The following HNF1A variants were observed in gnomAD, a reference collection of about 807,000 sequenced individuals.
HNF1A encodes hepatocyte nuclear factor 1-alpha.
A neutral mutation model predicts 62.2 loss-of-function variants in HNF1A; 21 were observed. That is an observed-to-expected ratio of 0.34 (90% confidence interval 0.24 to 0.49). The LOEUF is 0.49. Among genes scored for constraint, HNF1A ranks in the 20% least tolerant of loss-of-function variants. The pLI, the probability that HNF1A is intolerant of heterozygous loss-of-function variation, is 0.99. For synonymous variants in HNF1A, 374 were observed against 366.8 expected, an observed-to-expected ratio of 1.02 and a Z score of -0.22; for missense variants, 687 against 832.3, an observed-to-expected ratio of 0.83 and a Z score of 2.15.
At chr12:120,984,858 A>G (rs1211551419) in intron 1 of HNF1A, among the ~76,000 whole-genome samples, 1 of 151,604 alleles carries the variant, frequency 6.6e-6, no homozygotes, top group Admixed American at 6.6e-5. Flanking sequence ...CACACCGTCT[A>G]CTTCCTAGGG....
Position 120,996,266 on chromosome 12 carries a change from G to C in HNF1A, c.960G>C (p.Val320=), listed in dbSNP as rs758818657. 1.9e-6 allele frequency: 3 copies of C among 1,614,034 alleles called. No individual in the cohort carries two copies. The highest frequency in any genetic ancestry group is 2.5e-6 in the Non-Finnish European group (3 of 1,180,016). The change falls in exon 5 of 10, where the codon GTG becomes GTC. Residue 320 remains valine, a synonymous_variant. Coordinates refer to ENST00000257555, the MANE Select transcript of HNF1A (RefSeq NM_000545.8). The surrounding 1 kb of genome is among the most constrained non-coding windows in gnomAD (Gnocchi z 4.5). ...GGACACTGCTTCCCTCTCCAGGTGT[G>C]CGCTATGGACAGCCTGCGACCAGTG... The part of the protein sequence containing the change: ...PALSPSKVHG[V]RYGQPATSET...
At chr12:120,985,302 GA>G (rs1249825513) in intron 1 of HNF1A, among the ~76,000 whole-genome samples, 1 of 150,204 alleles carries the variant, frequency 6.7e-6, no homozygotes, top group East Asian at 2.0e-4. Flanking sequence ...GGCTGGTCTT[GA>G]ACTGCAGGGC....
At chr12:120,981,593 C>A (rs1197492625) in intron 1 of HNF1A, among the ~76,000 whole-genome samples, 1 of 152,206 alleles carries the variant, frequency 6.6e-6, no homozygotes, top group Non-Finnish European at 1.5e-5. Context: ...CCAATTCCCA[C>A]CCCAGGGCCT....
chr12:120,994,030 C>T, intron 3 of HNF1A, 134 bp from the exon 4 acceptor site: 1 of 1,193,288 alleles, frequency 8.4e-7, no homozygotes, highest in Non-Finnish European at 1.2e-6. Flanking sequence ...ACACAGCAGA[C>T]CTGGCATTGG....
intron 1 of HNF1A, 146 bp downstream of exon 1, chr12:120,979,240 C>G (rs979263242): frequency 2.6e-6 from 2 of 763,396 alleles, no homozygotes; most frequent in Non-Finnish European, 4.4e-6. Context: ...CCATGAGAGC[C>G]CAGGGGTCCT....
chr12:120,986,087 C>T (rs1453545005), intron 1 of HNF1A, among the ~76,000 whole-genome samples: 2 of 152,170 alleles, frequency 1.3e-5, no homozygotes, highest in African/African-American at 4.8e-5. Context: ...GTCCTTCTCA[C>T]TCCCATCCCC....
At position 120,997,588 on chromosome 12, in the gene HNF1A, C is replaced by T. The variant is rs193922580; in HGVS notation, c.1424C>T (p.Pro475Leu). The change falls in exon 7 of 10, where the codon CCG (proline) becomes CTG (leucine). Residue 475 changes from proline (P) to leucine (L), a missense_variant. By Grantham distance (98) the Pro-to-Leu change is moderately conservative. Coordinates refer to ENST00000257555, the MANE Select transcript of HNF1A (RefSeq NM_000545.8). ...SQPLHPSYQQ[P>L]LMPPVQSHVT... Reference sequence around the variant, plus strand: ...CCGCTGCACCCCTCCTACCAGCAGCCGCTCATGCCACCTGTGCAGAGCCAT... The same window carrying T: ...CCGCTGCACCCCTCCTACCAGCAGCTGCTCATGCCACCTGTGCAGAGCCAT... The T allele has an allele frequency of 4.8e-5, 77 of 1,613,720 alleles. No individual in the cohort carries two copies. Among genetic ancestry groups the T allele is most frequent in the Non-Finnish European group, 1.6e-5 (19 of 1,180,002 alleles).
At position 120,996,946 on chromosome 12, in the gene HNF1A, G is replaced by C. The variant is rs1305280857; in HGVS notation, c.1309+204G>C. 4 of 1,495,434 alleles carry C rather than the reference G, an allele frequency of 2.7e-6. No homozygotes were observed. The highest frequency in any genetic ancestry group is 2.8e-5 in the African/African-American group (2 of 72,102). 92.6% of individuals were successfully genotyped at this position (1,495,434 alleles called of 1,614,324 possible). A position where few individuals can be genotyped will look rare whatever the true frequency, so the allele number is the denominator to read the frequency against. On this transcript the variant is annotated intron_variant, in intron 6 of 9. Coordinates refer to ENST00000257555, the MANE Select transcript of HNF1A (RefSeq NM_000545.8). The surrounding 1 kb of genome is among the most constrained non-coding windows in gnomAD (Gnocchi z 4.5). ...CCAAAATCTCAGCAACTCAAGCAGG[G>C]AGGCAGGCACTAAGCATAATACATC...
Position 120,994,311 on chromosome 12 carries a change from C to T in HNF1A, c.861C>T (p.Ser287=), listed in dbSNP as rs570915522. The T allele has an allele frequency of 7.5e-6, 12 of 1,609,632 alleles. No individual in the cohort carries two copies. In the East Asian group the frequency reaches 8.9e-5, roughly 12 times the overall value. ...ACAAGCTGGCCATGGACACGTACAGCGGGCCCCCCCCAGGGCCAGGCCCGG... is the reference window on the plus strand; with the variant it reads ...ACAAGCTGGCCATGGACACGTACAGTGGGCCCCCCCCAGGGCCAGGCCCGG... ...FRHKLAMDTY[S]GPPPGPGPGP... is the part of the protein sequence containing the mutation. Residue 287 remains serine, a synonymous_variant, in exon 4 of 10, where the codon AGC becomes AGT. Transcript: ENST00000257555.
chr12:120,999,945 T>G (rs370363262), intron 9 of HNF1A, among the ~76,000 whole-genome samples: 1 of 152,238 alleles, frequency 6.6e-6, no homozygotes, highest in African/African-American at 2.4e-5. Context: ...GACTCTTGCA[T>G]GTGTTTGGTT....
chr12:120,997,789 C>T (rs1004481293), intron 7 of HNF1A, 124 bp downstream of exon 7: 9 of 1,041,518 alleles, frequency 8.6e-6, no homozygotes, highest in Admixed American at 4.0e-5. Context: ...AGTGTGTTTC[C>T]GTGATTGAGG....
chr12:120,991,716 G>A (rs937991839), intron 2 of HNF1A, among the ~76,000 whole-genome samples: 2 of 152,118 alleles, frequency 1.3e-5, no homozygotes, highest in African/African-American at 2.4e-5. Flanking sequence ...TTATTGGGGT[G>A]TTCACACTCT....
Position 120,996,290 on chromosome 12 carries a change from T to C in HNF1A, c.984T>C (p.Ser328=), listed in dbSNP as rs778552446. The C allele has an allele frequency of 1.2e-6, 2 of 1,614,084 alleles. No homozygotes were observed. Among genetic ancestry groups the C allele is most frequent in the South Asian group, 2.2e-5 (2 of 91,080 alleles). Reference sequence around the variant, plus strand: ...TGCGCTATGGACAGCCTGCGACCAGTGAGACTGCAGAAGTACCCTCAAGCA... The same window carrying C: ...TGCGCTATGGACAGCCTGCGACCAGCGAGACTGCAGAAGTACCCTCAAGCA... ...HGVRYGQPAT[S]ETAEVPSSSG... is the part of the protein sequence containing the mutation. Residue 328 remains serine (S), a synonymous_variant, in exon 5 of 10, where the codon AGT becomes AGC. Coordinates refer to ENST00000257555, the MANE Select transcript of HNF1A (RefSeq NM_000545.8). The surrounding 1 kb of genome is among the most constrained non-coding windows in gnomAD (Gnocchi z 4.5).
At chr12:120,980,850 A>C (rs977618806) in intron 1 of HNF1A, 1 of 151,866 alleles carries the variant, frequency 6.6e-6, no homozygotes, top group South Asian at 2.1e-4. Flanking sequence ...CGGAGGAGCC[A>C]GGGGGGCGGG....
In HNF1A at chr12:120,996,821, C is replaced by T; in HGVS notation, c.1309+79C>T. On this transcript the variant is annotated intron_variant, in intron 6 of 9. Coordinates refer to ENST00000257555, the MANE Select transcript of HNF1A (RefSeq NM_000545.8). This position sits in a 1 kb window ranked among gnomAD's most constrained non-coding sequence, Gnocchi z 4.5. ...CAGAATCCAGGAGCTGGAAGAGCCA[C>T]TGGGACTCATTCATTCATTCATACA... The T allele has an allele frequency of 1.3e-6, 2 of 1,541,512 alleles. No homozygotes were observed. The highest frequency in any genetic ancestry group is 1.2e-5 in the South Asian group (1 of 84,512).
At position 120,997,546 on chromosome 12, in the gene HNF1A, C is replaced by A. The variant is rs1877173257; in HGVS notation, c.1382C>A (p.Pro461His). 1 of 1,613,448 alleles carries A rather than the reference C, an allele frequency of 6.2e-7. No individual in the cohort carries two copies. Among genetic ancestry groups the A allele is most frequent in the African/African-American group, 1.3e-5 (1 of 74,952 alleles). The change falls in exon 7 of 10, where the codon CCC becomes CAC. Residue 461 changes from proline (P) to histidine (H), a missense_variant. Physicochemically the swap from Pro to His is moderately conservative, Grantham distance 77. This residue lies in a region of HNF1A where 408 missense variants were observed against 455.3 expected (regional missense o/e 0.90). Transcript: ENST00000257555. ...SMGSSLTTLQ[P>H]VQFSQPLHPS... ...GGCAGCAGCCTGACCACCCTGCAGC[C>A]CGTCCAGTTCTCCCAGCCGCTGCAC...
chr12:120,993,465 G>T, intron 2 of HNF1A, 55 bp from the exon 3 acceptor site: 8 of 1,562,718 alleles, frequency 5.1e-6, no homozygotes, highest in Non-Finnish European at 7.0e-6. Context: ...CAGGGGAATG[G>T]ACGTGGGAAG....
chr12:120,995,733 C>T (rs529348486), intron 4 of HNF1A, among the ~76,000 whole-genome samples: 69 of 152,058 alleles, frequency 4.5e-4, no homozygotes, highest in Admixed American at 2.3e-3. Flanking sequence ...CCACCCTATA[C>T]CATTCCACTC....
chr12:120,994,031 C>T (rs572969475), intron 3 of HNF1A, 133 bp from the exon 4 acceptor site: 1 of 1,224,988 alleles, frequency 8.2e-7, no homozygotes, highest in Non-Finnish European at 1.2e-6. Flanking sequence ...CACAGCAGAC[C>T]TGGCATTGGA....
Sources: gnomAD v4.1 joint callset for allele counts (sites outside exome capture counted in the v4.1 genomes callset) on GRCh38, gnomAD v4.1.1 for gene constraint, gnomAD v4.1.1 regional missense constraint, Gnocchi (gnomAD v3.1) non-coding constraint, MANE v1.5 for transcripts, NCBI Gene and HGNC (gene_info 2026-07-23, HGNC 2026-07-21) for gene names.